Variants in ZBTB7C observed in about 807,000 individuals in gnomAD.
The protein encoded by ZBTB7C is zinc finger and BTB domain containing 7C, also known as zinc finger and BTB domain-containing protein 7C.
ZBTB7C carries 8 observed loss-of-function variants against 25.7 expected under a neutral mutation model. That is an observed-to-expected ratio of 0.31 (90% CI 0.18 to 0.56). The LOEUF (loss-of-function observed/expected upper bound fraction) is 0.56. ZBTB7C is among the 20% of genes least tolerant of loss of function. The pLI is 0.91. For synonymous variants in ZBTB7C, 394 were observed against 369.0 expected, an observed-to-expected ratio of 1.07 and a Z score of -0.78; for missense variants, 824 against 855.2, an observed-to-expected ratio of 0.96 and a Z score of 0.46.
chr18:48,340,271 G>T (rs1479570520), intron 1 of ZBTB7C, among the ~76,000 whole-genome samples: 1 of 152,198 alleles, frequency 6.6e-6, no homozygotes, highest in Non-Finnish European at 1.5e-5. Flanking sequence ...ATAGGCCAAA[G>T]GCCAGGAAAC....
At chr18:48,372,166 A>C (rs1220497930) in intron 1 of ZBTB7C, among the ~76,000 whole-genome samples, 1 of 152,166 alleles carries the variant, frequency 6.6e-6, no homozygotes, top group Admixed American at 6.5e-5. Context: ...TCTGAAAAGA[A>C]TTTTGGAGCA....
intron 2 of ZBTB7C, among the ~76,000 whole-genome samples, chr18:48,228,397 C>G (rs184175563): frequency 6.6e-6 from 1 of 152,300 alleles, no homozygotes; most frequent in East Asian, 1.9e-4. Flanking sequence ...TGCAATCTGC[C>G]TGGCACAGAC....
intron 2 of ZBTB7C, among the ~76,000 whole-genome samples, chr18:48,319,004 C>T (rs895125077): frequency 3.2e-4 from 48 of 152,184 alleles, no homozygotes; most frequent in African/African-American, 1.1e-3. Flanking sequence ...GGACAGAGGG[C>T]TATGGGAGAC....
intron 3 of ZBTB7C, among the ~76,000 whole-genome samples, chr18:48,129,512 T>C (rs2039919850): frequency 1.3e-5 from 2 of 152,308 alleles, no homozygotes; most frequent in South Asian, 2.1e-4. Flanking sequence ...TCTACTCCTC[T>C]GCAGGTCCAG....
At chr18:48,228,732 GTC>G (rs551576188) in intron 2 of ZBTB7C, among the ~76,000 whole-genome samples, 2,528 of 143,100 alleles carry the variant, frequency 0.018, 40 homozygotes, top group African/African-American at 0.039. Flanking sequence ...CTCTCTCTCT[GTC>G]TCTCTCTCTC....
chr18:48,183,641 A>G (rs1312580014), intron 3 of ZBTB7C, among the ~76,000 whole-genome samples: 3 of 152,166 alleles, frequency 2.0e-5, no homozygotes, highest in Admixed American at 6.5e-5. Flanking sequence ...ATGAGAATAA[A>G]AGCAATTGAT....
At position 48,292,211 on chromosome 18, in the gene ZBTB7C, T is replaced by C. The variant is rs1210565167; in HGVS notation, c.-79+45963A>G. 2.0e-5 allele frequency among the ~76,000 whole-genome samples: 3 copies of C among 151,904 alleles called. No homozygotes were observed. In the East Asian group the frequency reaches 5.8e-4, roughly 29 times the overall value. ...AGACTCCATCTCAAAAAAAAAAAAT[T>C]GCTACGATCTGTTAAGTACTTACAT... On this transcript the variant is annotated intron_variant, in intron 2 of 4. Transcript: ENST00000590800.
intron 3 of ZBTB7C, among the ~76,000 whole-genome samples, chr18:48,139,408 GA>G (rs1308438196): frequency 2.0e-5 from 3 of 152,134 alleles, no homozygotes; most frequent in Non-Finnish European, 4.4e-5. Context: ...AAGCTGTAGG[GA>G]GGGGTGCACA....
At chr18:48,227,371 T>C (rs8091287) in intron 2 of ZBTB7C, among the ~76,000 whole-genome samples, 37,491 of 152,188 alleles carry the variant, frequency 0.25, 5,685 homozygotes, top group East Asian at 0.77. Context: ...TCTGGGCAGG[T>C]ACATTTCTGG....
intron 3 of ZBTB7C, chr18:48,180,539 T>C (rs1302823931): frequency 2.8e-6 from 1 of 359,614 alleles, no homozygotes; most frequent in Non-Finnish European, 5.5e-6. Flanking sequence ...TTTCCTTCTC[T>C]GGGGAAGTCT....
At chr18:48,266,713 A>G (rs569069158) in intron 2 of ZBTB7C, among the ~76,000 whole-genome samples, 1 of 152,018 alleles carries the variant, frequency 6.6e-6, no homozygotes, top group South Asian at 2.1e-4. Context: ...CTCCTAGTCT[A>G]CTCCTGCCTA....
chr18:48,279,243 C>T (rs1366306344), intron 2 of ZBTB7C, among the ~76,000 whole-genome samples: 2 of 152,192 alleles, frequency 1.3e-5, no homozygotes, highest in African/African-American at 4.8e-5. Context: ...CCCTGACATC[C>T]AGTACTTACA....
chr18:48,373,830 G>A (rs955109339), intron 1 of ZBTB7C, among the ~76,000 whole-genome samples: 6 of 152,066 alleles, frequency 3.9e-5, no homozygotes, highest in African/African-American at 1.4e-4. Flanking sequence ...GCATGGTGGC[G>A]GGGGCCTGTA....
chr18:48,358,762 T>C (rs1338848655), intron 1 of ZBTB7C, among the ~76,000 whole-genome samples: 1 of 152,184 alleles, frequency 6.6e-6, no homozygotes, highest in Non-Finnish European at 1.5e-5. Flanking sequence ...TGCAAATGTT[T>C]TAAAATTAGA....
intron 2 of ZBTB7C, among the ~76,000 whole-genome samples, chr18:48,223,644 C>T (rs919951744): frequency 1.3e-5 from 2 of 152,142 alleles, no homozygotes; most frequent in Admixed American, 1.3e-4. Context: ...AATGGGTTGG[C>T]CATACAAAGA....
chr18:48,378,480 C>T (rs1379659240), intron 1 of ZBTB7C, among the ~76,000 whole-genome samples: 1 of 152,262 alleles, frequency 6.6e-6, no homozygotes, highest in Non-Finnish European at 1.5e-5. Context: ...AAAGACTTTA[C>T]AATACTGACA....
chr18:48,305,443 C>T (rs9946041), intron 2 of ZBTB7C, among the ~76,000 whole-genome samples: 26,884 of 152,074 alleles, frequency 0.18, 2,471 homozygotes, highest in African/African-American at 0.2. Flanking sequence ...GGAAATACTG[C>T]CCAGACCGTA....
intron 2 of ZBTB7C, among the ~76,000 whole-genome samples, chr18:48,326,093 A>ATTT: frequency 8.6e-6 from 1 of 116,322 alleles, no homozygotes; most frequent in Non-Finnish European, 1.8e-5. Context: ...CTCTACCAAC[A>ATTT]TCTTTTTTTT....
chr18:48,219,342 CAAT>C (rs745692738), intron 2 of ZBTB7C, among the ~76,000 whole-genome samples: 2 of 152,204 alleles, frequency 1.3e-5, no homozygotes, highest in Non-Finnish European at 2.9e-5. Context: ...GGTAAAATAA[CAAT>C]AATGATGACA....
Sources: allele counts gnomAD v4.1 joint callset (sites outside exome capture counted in the v4.1 genomes callset), GRCh38; gene constraint gnomAD v4.1.1; transcripts MANE v1.5; gene names NCBI Gene and HGNC (gene_info 2026-07-23, HGNC 2026-07-21).